The following VAV3 variants were observed in gnomAD, a reference collection of about 807,000 sequenced individuals.
VAV3 encodes the protein guanine nucleotide exchange factor VAV3.
In VAV3, 94 loss-of-function variants were observed where a neutral mutation model predicts 131.2. That is an observed-to-expected ratio of 0.72 (90% CI 0.61 to 0.85). VAV3 has a LOEUF of 0.85. Among genes scored for constraint, VAV3 ranks in the 40% least tolerant of loss-of-function variants. VAV3 has a pLI of 0.00. For synonymous variants in VAV3, 349 were observed against 342.0 expected (o/e 1.02, Z -0.22); for missense variants, 939 against 1,002.7 (o/e 0.94, Z 0.86).
chr1:107,600,541 T>C (rs1183795696), intron 24 of VAV3, among the ~76,000 whole-genome samples: 2 of 152,200 alleles, frequency 1.3e-5, no homozygotes, highest in African/African-American at 4.8e-5. Context: ...ACATAACATA[T>C]AAGAAAAGCT....
intron 25 of VAV3, among the ~76,000 whole-genome samples, chr1:107,578,292 T>C (rs1047548235): frequency 1.1e-4 from 16 of 152,224 alleles, no homozygotes; most frequent in Admixed American, 7.8e-4. Context: ...TTCTATTCCA[T>C]TGCACATTCT....
intron 7 of VAV3, among the ~76,000 whole-genome samples, chr1:107,767,668 T>A (rs1664809319): frequency 6.6e-6 from 1 of 152,186 alleles, no homozygotes; most frequent in Admixed American, 6.5e-5. Flanking sequence ...AGCAGGTCTG[T>A]GAATAAAAGC....
At chr1:107,803,599 T>C (rs1333231460) in intron 2 of VAV3, among the ~76,000 whole-genome samples, 7 of 152,100 alleles carry the variant, frequency 4.6e-5, no homozygotes, top group Admixed American at 6.6e-5. Flanking sequence ...TTTTATTTCA[T>C]TGTGGTAAAA....
intron 1 of VAV3, among the ~76,000 whole-genome samples, chr1:107,941,127 C>G (rs903367474): frequency 1.3e-5 from 2 of 152,148 alleles, no homozygotes; most frequent in Non-Finnish European, 2.9e-5. Context: ...GAGCATCACT[C>G]ACTTCTTTCA....
chr1:107,621,116 G>C (rs1239800052), intron 20 of VAV3, among the ~76,000 whole-genome samples: 3 of 147,380 alleles, frequency 2.0e-5, no homozygotes, highest in Non-Finnish European at 4.5e-5. Flanking sequence ...TCTTTTAAAG[G>C]ACACTCTTGG....
intron 9 of VAV3, among the ~76,000 whole-genome samples, chr1:107,762,279 T>C (rs1272237249): frequency 6.6e-6 from 1 of 152,176 alleles, no homozygotes; most frequent in African/African-American, 2.4e-5. Flanking sequence ...TTGTTTCTTC[T>C]TTGCCCACAC....
At chr1:107,577,406 GTT>G (rs1380912074) in intron 25 of VAV3, among the ~76,000 whole-genome samples, 1 of 152,196 alleles carries the variant, frequency 6.6e-6, no homozygotes, top group East Asian at 1.9e-4. Context: ...GGAAGGTGTG[GTT>G]GTATACTTTC....
At chr1:107,701,580 C>G (rs758651077) in intron 17 of VAV3, among the ~76,000 whole-genome samples, 1 of 152,224 alleles carries the variant, frequency 6.6e-6, no homozygotes, top group Non-Finnish European at 1.5e-5. Flanking sequence ...CTTATGCAAA[C>G]TTCTGCAGCA....
chr1:107,902,216 C>T (rs967854910), intron 1 of VAV3, among the ~76,000 whole-genome samples: 2 of 152,138 alleles, frequency 1.3e-5, no homozygotes, highest in Non-Finnish European at 2.9e-5. Context: ...GAGGCTAGAC[C>T]AAGGGTCTCT....
intron 19 of VAV3, among the ~76,000 whole-genome samples, chr1:107,659,695 C>A (rs542814917): frequency 7.2e-5 from 11 of 152,238 alleles, no homozygotes; most frequent in African/African-American, 2.4e-4. Flanking sequence ...TACTATACAT[C>A]AGCTATTATG....
intron 25 of VAV3, among the ~76,000 whole-genome samples, chr1:107,581,027 CTCCCGGACTCTTCAT>C (rs1389414815): frequency 6.6e-6 from 1 of 152,174 alleles, no homozygotes; most frequent in Non-Finnish European, 1.5e-5. Flanking sequence ...TGGTTATCAT[CTCCCGGACTCTTCAT>C]TCACTGCCTA....
rs186775645 is a variant in VAV3 at position 107,889,414 on chromosome 1, T to C, written c.205-14397A>G. ...GGTAGACAGAAATGAAGAATGAATA[T>C]ATAATTTATTGTCCAAAACAGATGT... On this transcript the variant is annotated intron_variant, in intron 1 of 26. Transcript: ENST00000370056. Among the ~76,000 whole-genome samples, 6 of 152,156 alleles carry C rather than the reference T, an allele frequency of 3.9e-5. No individual in the cohort carries two copies. The East Asian group carries it at 9.7e-4, about 25-fold the overall frequency.
chr1:107,911,133 C>A (rs907107959), intron 1 of VAV3, among the ~76,000 whole-genome samples: 31 of 152,260 alleles, frequency 2.0e-4, no homozygotes, highest in Admixed American at 3.3e-4. Context: ...CTTCTAATAG[C>A]ACATAAGGTT....
At chr1:107,670,376 A>C (rs1414767169) in intron 19 of VAV3, among the ~76,000 whole-genome samples, 1 of 152,232 alleles carries the variant, frequency 6.6e-6, no homozygotes, top group Non-Finnish European at 1.5e-5. Flanking sequence ...CTCTACTTCT[A>C]TACCCTATGC....
At chr1:107,696,834 T>C (rs923271084) in intron 17 of VAV3, among the ~76,000 whole-genome samples, 8 of 152,164 alleles carry the variant, frequency 5.3e-5, no homozygotes, top group African/African-American at 1.7e-4. Flanking sequence ...CTCCATCCCC[T>C]GGATATATCT....
rs548260469 is a variant in VAV3 at position 107,660,450 on chromosome 1, C to T, written c.1778-17695G>A. Among the ~76,000 whole-genome samples, 36 of 152,286 alleles carry T rather than the reference C, an allele frequency of 2.4e-4. No homozygotes were observed. In the South Asian group the frequency reaches 4.2e-3, roughly 18 times the overall value. On this transcript the variant is annotated intron_variant, in intron 19 of 26. Transcript: ENST00000370056. ...CTCATGTGGCAGCTCCTATAGACAT[C>T]CATCTATTTCTTCACAGAAAGAAAG...
At chr1:107,695,308 TGTA>T (rs1297326533) in intron 17 of VAV3, among the ~76,000 whole-genome samples, 1 of 152,120 alleles carries the variant, frequency 6.6e-6, no homozygotes, top group African/African-American at 2.4e-5. Context: ...TTATAAATTA[TGTA>T]AGAATAAGAT....
chr1:107,893,460 A>G (rs773737814), intron 1 of VAV3, among the ~76,000 whole-genome samples: 3 of 152,174 alleles, frequency 2.0e-5, no homozygotes, highest in Non-Finnish European at 4.4e-5. Context: ...AGACTGGGTA[A>G]TTTATACAGG....
chr1:107,659,544 A>C (rs1656849888), intron 19 of VAV3, among the ~76,000 whole-genome samples: 1 of 152,166 alleles, frequency 6.6e-6, no homozygotes, highest in South Asian at 2.1e-4. Flanking sequence ...TGTTCTTTTT[A>C]TGAGGAAGTG....
Sources: gnomAD v4.1 joint callset for allele counts (sites outside exome capture counted in the v4.1 genomes callset) on GRCh38, gnomAD v4.1.1 for gene constraint, MANE v1.5 for transcripts, NCBI Gene and HGNC (gene_info 2026-07-23, HGNC 2026-07-21) for gene names.